TGM6: variants seen among roughly 807,000 people sequenced by gnomAD.
TGM6 encodes the protein protein-glutamine gamma-glutamyltransferase 6.
In TGM6, 74 loss-of-function variants were observed where a neutral mutation model predicts 77.5. That is an observed-to-expected ratio of 0.96 (90% CI 0.79 to 1.16). The LOEUF is 1.16. Ranked by LOEUF, TGM6 falls within the 50% of genes most tolerant of loss-of-function variation. TGM6 has a pLI of 0.00. For missense variants in TGM6, 968 were observed against 940.2 expected (o/e 1.03, Z -0.39); for synonymous variants, 383 against 378.9 (o/e 1.01, Z -0.12).
In TGM6 at chr20:2,417,359, GC is replaced by G. The variant is rs1568667153; in HGVS notation, c.1466del (p.Pro489LeufsTer14). ...GTCTCTGGCGTGACGACCTCCTGGA[GC>G]CTGCCACCAAGCCCAGCATCGCTGG... ...RCLWRDDLLE[P>X]ATKPSIAGKF... On this transcript the variant is annotated frameshift_variant, in exon 10 of 13. Transcript: ENST00000202625. LOFTEE classifies it high-confidence loss of function. 1 of 1,613,922 alleles carries G rather than the reference GC, an allele frequency of 6.2e-7. No homozygotes were observed. Among genetic ancestry groups the G allele is most frequent in the Non-Finnish European group, 8.5e-7 (1 of 1,180,026 alleles).
chr20:2,418,647 C>A (rs2084834552), intron 10 of TGM6, among the ~76,000 whole-genome samples: 2 of 152,226 alleles, frequency 1.3e-5, no homozygotes. Context: ...TCAGCCCACA[C>A]CAGATATGCT....
At chr20:2,394,848 A>C (rs1228375622) in intron 2 of TGM6, among the ~76,000 whole-genome samples, 1 of 152,128 alleles carries the variant, frequency 6.6e-6, no homozygotes, top group African/African-American at 2.4e-5. Flanking sequence ...ACCTCTCTGG[A>C]ACCCTGTGTG....
At position 2,417,243 on chromosome 20, in the gene TGM6, G is replaced by C. The variant is rs1192966740; in HGVS notation, c.1348G>C (p.Glu450Gln). 6.2e-7 allele frequency: 1 copy of C among 1,602,598 alleles called. No individual in the cohort carries two copies. The highest frequency in any genetic ancestry group is 1.1e-5 in the South Asian group (1 of 89,214). ...LYKYPEGSRK[E>Q]RQVYSKAVNR... Reference sequence around the variant, plus strand: ...GTGATGCCCTGCAGGGTCCCGGAAAGAGAGGCAGGTGTACAGCAAGGCGGT... The same window carrying C: ...GTGATGCCCTGCAGGGTCCCGGAAACAGAGGCAGGTGTACAGCAAGGCGGT... Residue 450 changes from glutamate to glutamine, a missense_variant, in exon 10 of 13, where the codon GAG (glutamate) becomes CAG (glutamine). Glu to Gln is a conservative substitution (Grantham distance 29). Coordinates refer to ENST00000202625, the MANE Select transcript of TGM6 (RefSeq NM_198994.3).
chr20:2,412,980 C>A (rs750645996), intron 9 of TGM6, among the ~76,000 whole-genome samples: 13 of 152,134 alleles, frequency 8.5e-5, no homozygotes, highest in African/African-American at 2.4e-4. Context: ...TCAACAAAAT[C>A]CTATCAAAGT....
chr20:2,383,558 T>C (rs1272010798), intron 1 of TGM6, among the ~76,000 whole-genome samples: 2 of 152,162 alleles, frequency 1.3e-5, no homozygotes, highest in Non-Finnish European at 2.9e-5. Context: ...GTAGATTCCA[T>C]GGTGCTTGAG....
chr20:2,388,018 G>A (rs973164336), intron 1 of TGM6, among the ~76,000 whole-genome samples: 1 of 152,178 alleles, frequency 6.6e-6, no homozygotes, highest in African/African-American at 2.4e-5. Context: ...GCAACCCAAG[G>A]GAACCAGAAA....
chr20:2,387,450 T>C (rs1263893608), intron 1 of TGM6, among the ~76,000 whole-genome samples: 1 of 152,224 alleles, frequency 6.6e-6, no homozygotes, highest in Non-Finnish European at 1.5e-5. Context: ...GCAGGGGCTG[T>C]AGGAGCTCCC....
Position 2,385,690 on chromosome 20 carries a change from G to A in TGM6, c.7+4715G>A, listed in dbSNP as rs115601634. On this transcript the variant is annotated intron_variant, in intron 1 of 12. Transcript: ENST00000202625. ...TGGGGTGGGTGGGGTGTGGACAGTCGGAGCGTGAGCAGCTGACAGGGTGTG... is the reference window on the plus strand; with the variant it reads ...TGGGGTGGGTGGGGTGTGGACAGTCAGAGCGTGAGCAGCTGACAGGGTGTG... Among the ~76,000 whole-genome samples the A allele has an allele frequency of 4.1e-3, 631 of 152,298 alleles. 4 individuals are homozygous for A. The highest frequency in any genetic ancestry group is 0.015 in the African/African-American group (603 of 41,558).
chr20:2,395,502 TGGAGGGGGCCTG>T (rs1599948332), intron 3 of TGM6, 66 bp downstream of exon 3: 1 of 1,613,476 alleles, frequency 6.2e-7, no homozygotes. Flanking sequence ...AGCCTGCCCT[TGGAGGGGGCCTG>T]GGAGGTGGGT....
intron 1 of TGM6, among the ~76,000 whole-genome samples, chr20:2,387,723 C>T (rs1047853659): frequency 3.9e-5 from 6 of 152,172 alleles, no homozygotes; most frequent in African/African-American, 1.4e-4. Flanking sequence ...GCAAACTGCC[C>T]CAGCACTTAG....
intron 9 of TGM6, among the ~76,000 whole-genome samples, chr20:2,412,128 T>C (rs1450694371): frequency 6.6e-6 from 1 of 152,158 alleles, no homozygotes; most frequent in East Asian, 1.9e-4. Context: ...GGTATATACA[T>C]ACAATGGAAT....
chr20:2,381,016 A>C, intron 1 of TGM6, 41 bp downstream of exon 1: 2 of 1,606,376 alleles, frequency 1.2e-6, no homozygotes, highest in Non-Finnish European at 1.7e-6. Context: ...ACCAGGGCTC[A>C]TGAGGGGGGC....
chr20:2,399,687 A>G lies in TGM6; in HGVS notation c.799A>G (p.Lys267Glu), dbSNP rs1464081941. Reference sequence around the variant, plus strand: ...GCAGAAGTGGCTCAAGGGCAGGTACAAGCCAGTCAAGTACGGCCAGTGCTG... The same window carrying G: ...GCAGAAGTGGCTCAAGGGCAGGTACGAGCCAGTCAAGTACGGCCAGTGCTG... ...ILQKWLKGRY[K>E]PVKYGQCWVF... The change falls in exon 6 of 13, where the codon AAG becomes GAG. Residue 267 changes from lysine to glutamate, a missense_variant. Transcript: ENST00000202625. 6.2e-7 allele frequency: 1 copy of G among 1,613,856 alleles called. No individual in the cohort carries two copies. Among genetic ancestry groups the G allele is most frequent in the African/African-American group, 1.3e-5 (1 of 74,934 alleles).
chr20:2,417,022 A>T (rs1288118626), intron 9 of TGM6, among the ~76,000 whole-genome samples: 2 of 152,150 alleles, frequency 1.3e-5, no homozygotes, highest in Non-Finnish European at 2.9e-5. Flanking sequence ...GAGGCTTTTG[A>T]CCCAGCTCTC....
In TGM6 at chr20:2,430,511, A is replaced by G. The variant is rs759450326; in HGVS notation, c.1744A>G (p.Ile582Val). ...AGAAGACCTGACAGAGGACAAGAAG[A>G]TCCTGTTGGCTGCCATGTGCCTTGT... ...YKEDLTEDKK[I>V]LLAAMCLVTK... is the part of the protein sequence containing the mutation. Residue 582 changes from isoleucine (I) to valine (V), a missense_variant, in exon 11 of 13, where the codon ATC (isoleucine) becomes GTC (valine). Ile to Val is a conservative substitution (Grantham distance 29). Transcript: ENST00000202625. 1.4e-5 allele frequency: 22 copies of G among 1,614,168 alleles called. No individual in the cohort carries two copies. The highest frequency in any genetic ancestry group is 1.9e-5 in the Non-Finnish European group (22 of 1,180,038).
chr20:2,430,579 A>G lies in TGM6; in HGVS notation c.1812A>G (p.Leu604=). ...EKLLVEKDIT[L]EDFITIKVLG... Reference sequence around the variant, plus strand: ...TTCTGGTGGAGAAGGACATTACTCTAGAGGACTTCATCACCATCAAGGTGA... The same window carrying G: ...TTCTGGTGGAGAAGGACATTACTCTGGAGGACTTCATCACCATCAAGGTGA... The change falls in exon 11 of 13, where the codon CTA becomes CTG. Residue 604 remains leucine (L), a synonymous_variant. Coordinates refer to ENST00000202625, the MANE Select transcript of TGM6 (RefSeq NM_198994.3). 1 of 1,614,178 alleles carries G rather than the reference A, an allele frequency of 6.2e-7. No homozygotes were observed. The highest frequency in any genetic ancestry group is 8.5e-7 in the Non-Finnish European group (1 of 1,180,026).
At chr20:2,432,330 G>T (rs1328198971) in intron 12 of TGM6, among the ~76,000 whole-genome samples, 160 bp from the exon 13 acceptor site, 1 of 152,110 alleles carries the variant, frequency 6.6e-6, no homozygotes, top group South Asian at 2.1e-4. Context: ...TTACAGGAGT[G>T]AGCCACCGCA....
intron 1 of TGM6, among the ~76,000 whole-genome samples, chr20:2,383,242 G>T (rs913430258): frequency 6.6e-6 from 1 of 152,224 alleles, no homozygotes; most frequent in Non-Finnish European, 1.5e-5. Flanking sequence ...GATGCCACTG[G>T]CTTCAACAGA....
chr20:2,424,500 G>A (rs1393062074), intron 10 of TGM6, among the ~76,000 whole-genome samples: 1 of 152,224 alleles, frequency 6.6e-6, no homozygotes, highest in East Asian at 1.9e-4. Context: ...TAGAATTGAA[G>A]AGAATCAGGG....
Sources: allele counts gnomAD v4.1 joint callset (sites outside exome capture counted in the v4.1 genomes callset), GRCh38; gene constraint gnomAD v4.1.1; transcripts MANE v1.5; gene names NCBI Gene and HGNC (gene_info 2026-07-23, HGNC 2026-07-21).